UST: variants seen among roughly 807,000 people sequenced by gnomAD.
UST encodes uronyl 2-sulfotransferase.
Under a neutral mutation model 45.6 loss-of-function variants are expected in UST, and 21 were observed. That is an observed-to-expected ratio of 0.46 (90% confidence interval 0.33 to 0.66). UST has a LOEUF of 0.66. Ranked by LOEUF, UST falls within the 30% of genes least tolerant of loss-of-function variation. The pLI, the probability that UST is intolerant of heterozygous loss-of-function variation, is 0.02. For missense variants in UST, 463 were observed against 512.4 expected, an observed-to-expected ratio of 0.90 and a Z score of 0.93; for synonymous variants, 215 against 200.6, an observed-to-expected ratio of 1.07 and a Z score of -0.61.
At chr6:148,912,287 G>GA (rs1426167308) in intron 2 of UST, among the ~76,000 whole-genome samples, 3 of 152,218 alleles carry the variant, frequency 2.0e-5, no homozygotes, top group Admixed American at 6.5e-5. Context: ...ATAAGCCACT[G>GA]AAAAAATACC....
rs563947547 is a variant in UST, at chr6:149,003,641, A to T, written c.682-15498A>T. 1.6e-4 allele frequency among the ~76,000 whole-genome samples: 25 copies of T among 152,370 alleles called. No individual in the cohort carries two copies. In the South Asian group the frequency reaches 5.0e-3, roughly 30 times the overall value. On this transcript the variant is annotated intron_variant, in intron 5 of 7. Transcript: ENST00000367463. ...CACTTTTACCTTCGAAAATGTTTGT[A>T]CAAAACTGGGTTGGGCCCAGTGGTT...
At chr6:148,910,882 G>A (rs1448103613) in intron 2 of UST, among the ~76,000 whole-genome samples, 1 of 152,064 alleles carries the variant, frequency 6.6e-6, no homozygotes, top group Non-Finnish European at 1.5e-5. Flanking sequence ...AGCTTCTCAG[G>A]GGTCTCCCCT....
intron 1 of UST, among the ~76,000 whole-genome samples, chr6:148,808,014 C>T (rs886982991): frequency 1.3e-5 from 2 of 152,126 alleles, no homozygotes; most frequent in African/African-American, 2.4e-5. Flanking sequence ...GAACAGAAGC[C>T]GGTGGGGAAG....
At chr6:148,870,241 C>T (rs192271615) in intron 1 of UST, among the ~76,000 whole-genome samples, 2 of 152,210 alleles carry the variant, frequency 1.3e-5, no homozygotes, top group East Asian at 3.9e-4. Flanking sequence ...ACTACCCAGC[C>T]ATGTGACCTG....
At chr6:148,903,360 C>A (rs1779295778) in intron 2 of UST, among the ~76,000 whole-genome samples, 1 of 152,080 alleles carries the variant, frequency 6.6e-6, no homozygotes, top group Non-Finnish European at 1.5e-5. Context: ...TAGACAGTAT[C>A]TTTCTTTTGC....
At chr6:148,943,985 T>G (rs1466574003) in intron 3 of UST, among the ~76,000 whole-genome samples, 1 of 152,216 alleles carries the variant, frequency 6.6e-6, no homozygotes, top group East Asian at 1.9e-4. Context: ...CAGTTTGAAG[T>G]TCAACAACAT....
chr6:149,003,891 G>A lies in UST; in HGVS notation c.682-15248G>A, dbSNP rs556066745. Among the ~76,000 whole-genome samples, 24 of 152,278 alleles carry A rather than the reference G, an allele frequency of 1.6e-4. No individual in the cohort carries two copies. The South Asian group carries it at 2.5e-3, about 16-fold the overall frequency. On this transcript the variant is annotated intron_variant, in intron 5 of 7. Transcript: ENST00000367463. ...CTGGCGTCCCCAGCATTTAATAGAC[G>A]TGCAGGGCCTCTATTCATTCCCAAT...
In UST at chr6:148,899,092, C is replaced by CTTT. The variant is rs3075093; in HGVS notation, c.291+12086_291+12088dup. 3.0e-3 allele frequency among the ~76,000 whole-genome samples: 195 copies of CTTT among 65,544 alleles called. 6 individuals carry two copies. Among genetic ancestry groups the CTTT allele is most frequent in the African/African-American group, 0.01 (171 of 16,942 alleles). The allele number at this position is 65,544 out of a possible 152,430, so 43.0% of individuals were successfully genotyped here. On this transcript the variant is annotated intron_variant, in intron 2 of 7. Coordinates refer to ENST00000367463, the MANE Select transcript of UST (RefSeq NM_005715.3). ...CAATATAGCATATAGCTACCTAATC[C>CTTT]TTTTTTTTTTTTTTTTTTTTTTTTT...
chr6:148,839,849 A>T (rs1456859594), intron 1 of UST, among the ~76,000 whole-genome samples: 3 of 152,232 alleles, frequency 2.0e-5, no homozygotes, highest in Non-Finnish European at 4.4e-5. Flanking sequence ...CTTCCATTGT[A>T]CAGAGAAGGT....
intron 1 of UST, among the ~76,000 whole-genome samples, chr6:148,855,127 C>G (rs554904764): frequency 3.2e-4 from 48 of 152,212 alleles, no homozygotes; most frequent in African/African-American, 1.1e-3. Context: ...ACGAGAAAGA[C>G]CCGCCCCCAT....
chr6:148,971,771 T>C (rs528566868), intron 5 of UST, among the ~76,000 whole-genome samples: 65 of 152,202 alleles, frequency 4.3e-4, no homozygotes, highest in African/African-American at 1.5e-3. Flanking sequence ...ATCTTAAAGA[T>C]CCCTGGGGAG....
intron 5 of UST, among the ~76,000 whole-genome samples, chr6:148,975,290 G>A (rs575575606): frequency 6.6e-6 from 1 of 152,142 alleles, no homozygotes; most frequent in Non-Finnish European, 1.5e-5. Context: ...GAACTAAAAT[G>A]TAACTTGATA....
chr6:148,906,076 T>C (rs1325049264), intron 2 of UST, among the ~76,000 whole-genome samples: 1 of 148,634 alleles, frequency 6.7e-6, no homozygotes, highest in East Asian at 1.9e-4. Context: ...CAGAATGAAC[T>C]TGTCAGTTAC....
At position 148,750,141 on chromosome 6, in the gene UST, G is replaced by T. The variant is rs149733388; in HGVS notation, c.247+2464G>T. Among the ~76,000 whole-genome samples the T allele has an allele frequency of 5.9e-5, 9 of 152,230 alleles. No individual in the cohort carries two copies. The East Asian group carries it at 1.7e-3, about 29-fold the overall frequency. ...CAGCAAGTATTTTTCGTAAATGTAA[G>T]TTCATGTAAAGTAAAAATTTTCCAA... On this transcript the variant is annotated intron_variant, in intron 1 of 7. Transcript: ENST00000367463.
rs367713261 is a variant in UST at position 148,948,723 on chromosome 6, A to T, written c.448-5149A>T. Among the ~76,000 whole-genome samples the T allele has an allele frequency of 5.9e-5, 9 of 152,312 alleles. 1 individual carries two copies. In the South Asian group the frequency reaches 1.9e-3, roughly 32 times the overall value. ...CTTTCTTTCAAATTTTCAGCACATC[A>T]CAAGAAAAGAAGAAAATTTATATTC... is the stretch of plus-strand genomic sequence containing the variant. On this transcript the variant is annotated intron_variant, in intron 3 of 7. Transcript: ENST00000367463.
intron 7 of UST, among the ~76,000 whole-genome samples, chr6:149,027,225 A>G (rs983166305): frequency 6.6e-5 from 10 of 152,242 alleles, no homozygotes; most frequent in African/African-American, 2.4e-4. Flanking sequence ...TTTAAATACT[A>G]TGCTACAGAA....
intron 1 of UST, among the ~76,000 whole-genome samples, chr6:148,751,084 ATT>A (rs1775981521): frequency 6.6e-6 from 1 of 152,212 alleles, no homozygotes; most frequent in Non-Finnish European, 1.5e-5. Flanking sequence ...AACGCAGAGA[ATT>A]TGAGAACCAT....
intron 1 of UST, among the ~76,000 whole-genome samples, chr6:148,845,964 T>C (rs946503338): frequency 7.2e-6 from 1 of 138,472 alleles, no homozygotes; most frequent in African/African-American, 2.5e-5. Flanking sequence ...CTGGAGAGGA[T>C]GTGGAGAAAT....
At chr6:149,051,225 G>A (rs967389565) in intron 7 of UST, among the ~76,000 whole-genome samples, 9 of 152,302 alleles carry the variant, frequency 5.9e-5, no homozygotes, top group South Asian at 2.1e-4. Context: ...TAGTCATTGC[G>A]ATCTCAATTT....
Sources: gnomAD v4.1 joint callset for allele counts (sites outside exome capture counted in the v4.1 genomes callset) on GRCh38, gnomAD v4.1.1 for gene constraint, MANE v1.5 for transcripts, NCBI Gene and HGNC (gene_info 2026-07-23, HGNC 2026-07-21) for gene names.